The following RBFOX3 variants were observed in gnomAD, a reference collection of about 807,000 sequenced individuals.
RBFOX3 encodes the protein RNA binding protein fox-1 homolog 3.
A neutral mutation model predicts 48.7 loss-of-function variants in RBFOX3; 17 were observed. The observed-to-expected ratio is 0.35, with a 90% CI of 0.24 to 0.52. The LOEUF is 0.52. Among genes scored for constraint, RBFOX3 ranks in the 20% least tolerant of loss-of-function variants. The pLI, the probability that RBFOX3 is intolerant of heterozygous loss-of-function variation, is 0.94. For synonymous variants in RBFOX3, 212 were observed against 209.5 expected (o/e 1.01, Z -0.10); for missense variants, 382 against 497.5 (o/e 0.77, Z 2.21).
intron 3 of RBFOX3, among the ~76,000 whole-genome samples, chr17:79,241,311 G>A (rs1450561700): frequency 6.6e-6 from 1 of 152,046 alleles, no homozygotes. Flanking sequence ...ATGGCATCCG[G>A]CCTGTTTCGC....
At chr17:79,106,861 G>T in intron 5 of RBFOX3, 73 bp from the exon 6 acceptor site, 1 of 1,440,096 alleles carries the variant, frequency 6.9e-7, no homozygotes, top group South Asian at 1.4e-5. Flanking sequence ...CTAAAGGGTC[G>T]GCAGAGTCTA....
At chr17:79,526,874 G>A (rs978916032) in intron 1 of RBFOX3, among the ~76,000 whole-genome samples, 50 of 152,336 alleles carry the variant, frequency 3.3e-4, no homozygotes, top group Admixed American at 2.6e-3. Flanking sequence ...AAAAACCATC[G>A]TGTGACACCA....
chr17:79,439,469 G>A (rs1391724575), intron 2 of RBFOX3, among the ~76,000 whole-genome samples: 1 of 152,242 alleles, frequency 6.6e-6, no homozygotes, highest in African/African-American at 2.4e-5. Context: ...CAGTGACCAT[G>A]ACTGGTGTCT....
intron 2 of RBFOX3, among the ~76,000 whole-genome samples, chr17:79,458,946 G>A (rs1257564305): frequency 2.0e-5 from 3 of 152,302 alleles, no homozygotes; most frequent in African/African-American, 7.2e-5. Flanking sequence ...GCAAGCACAG[G>A]AAGCTGGGGC....
At chr17:79,474,650 T>A (rs2149405981) in intron 2 of RBFOX3, among the ~76,000 whole-genome samples, 1 of 152,242 alleles carries the variant, frequency 6.6e-6, no homozygotes, top group South Asian at 2.1e-4. Flanking sequence ...TATTTTCTGC[T>A]TCCATTCCCC....
Position 79,285,514 on chromosome 17 carries a change from T to C in RBFOX3, c.-74+22210A>G, listed in dbSNP as rs565348093. On this transcript the variant is annotated intron_variant, in intron 3 of 14. Transcript: ENST00000693108. ...CATACAATGCCCTGAAACCTTTCCATCAAGTAGGTAAAGATCTGTAAACCA... is the reference window on the plus strand; with the variant it reads ...CATACAATGCCCTGAAACCTTTCCACCAAGTAGGTAAAGATCTGTAAACCA... Among the ~76,000 whole-genome samples the C allele has an allele frequency of 1.7e-3, 262 of 152,256 alleles. 1 individual carries two copies. Among genetic ancestry groups the C allele is most frequent in the Non-Finnish European group, 2.4e-3 (162 of 68,014 alleles).
At chr17:79,620,438 T>C in the RBFOX3 span, among the ~76,000 whole-genome samples, 277 of 121,444 alleles carry the variant, frequency 2.3e-3, no homozygotes, top group Middle Eastern at 7.8e-3. Flanking sequence ...CGTGCACACA[T>C]GCACATGCAC....
intron 2 of RBFOX3, among the ~76,000 whole-genome samples, chr17:79,411,168 G>A (rs570847708): frequency 1.2e-3 from 184 of 152,234 alleles, no homozygotes; most frequent in East Asian, 9.7e-4. Flanking sequence ...TCACGTAACC[G>A]GATCAAATGT....
chr17:79,642,436 G>GTA, the RBFOX3 span, among the ~76,000 whole-genome samples: 126 of 151,896 alleles, frequency 8.3e-4, no homozygotes, highest in Non-Finnish European at 9.0e-4. Context: ...ATTTCACAAT[G>GTA]TATATATATA....
At position 79,534,767 on chromosome 17, in the gene RBFOX3, C is replaced by T. The variant is rs149540751; in HGVS notation, c.-319-52169G>A. On this transcript the variant is annotated intron_variant, in intron 1 of 14. Transcript: ENST00000693108. ...TCACCATGGCCAAGCATCTGTGTCT[C>T]CCCAGTTTATTCAGGTTTCTTTTCT... 2.2e-4 allele frequency among the ~76,000 whole-genome samples: 33 copies of T among 152,304 alleles called. No homozygotes were observed. The East Asian group carries it at 2.9e-3, about 13-fold the overall frequency.
At chr17:79,139,482 T>C (rs2041454786) in intron 4 of RBFOX3, among the ~76,000 whole-genome samples, 1 of 152,266 alleles carries the variant, frequency 6.6e-6, no homozygotes, top group Admixed American at 6.5e-5. Context: ...TCTCATTGGC[T>C]CGTGAAGAGC....
At position 79,559,647 on chromosome 17, in the gene RBFOX3, ATGGGTGGATGGATGGGTGGG is replaced by A. The variant is rs1322389437; in HGVS notation, c.-320+51159_-320+51178del. On this transcript the variant is annotated intron_variant, in intron 1 of 14. Transcript: ENST00000693108. ...TGGATGGGTGGATGGTGAATAGTGG[ATGGGTGGATGGATGGGTGGG>A]TGGGTGGATGGATGAGTGGGTCGGT... is the stretch of plus-strand genomic sequence containing the variant. 4.3e-4 allele frequency among the ~76,000 whole-genome samples: 49 copies of A among 113,174 alleles called. 1 individual carries two copies. Among genetic ancestry groups the A allele is most frequent in the South Asian group, 6.9e-4 (2 of 2,894 alleles). The allele number at this position is 113,174 out of a possible 152,430, so 74.2% of individuals were successfully genotyped here.
At chr17:79,397,206 GGC>G (rs2062100318) in intron 2 of RBFOX3, among the ~76,000 whole-genome samples, 1 of 152,160 alleles carries the variant, frequency 6.6e-6, no homozygotes. Context: ...GCGTGGGCTG[GGC>G]GCAGTGGCTC....
intron 4 of RBFOX3, among the ~76,000 whole-genome samples, chr17:79,131,586 G>A (rs2038927073): frequency 6.6e-6 from 1 of 152,230 alleles, no homozygotes; most frequent in African/African-American, 2.4e-5. Context: ...TCACACGTTA[G>A]GAAGCCACGG....
At chr17:79,145,060 C>A (rs914516123) in intron 4 of RBFOX3, among the ~76,000 whole-genome samples, 1 of 152,152 alleles carries the variant, frequency 6.6e-6, no homozygotes, top group South Asian at 2.1e-4. Context: ...AAGGTGGGGG[C>A]GGGACAGGGT....
chr17:79,181,555 T>A (rs577540463), intron 4 of RBFOX3, among the ~76,000 whole-genome samples: 2 of 151,982 alleles, frequency 1.3e-5, no homozygotes, highest in South Asian at 4.2e-4. Flanking sequence ...TGTCCAGGAG[T>A]CCCCAGATGT....
the RBFOX3 span, among the ~76,000 whole-genome samples, chr17:79,649,469 G>T: frequency 6.6e-6 from 1 of 152,230 alleles, no homozygotes; most frequent in East Asian, 1.9e-4. Context: ...ACTTTGGGAG[G>T]CCGAGGCGAG....
the RBFOX3 span, among the ~76,000 whole-genome samples, chr17:79,635,732 C>T: frequency 1.4e-4 from 22 of 152,130 alleles, no homozygotes; most frequent in East Asian, 2.9e-3. Context: ...CAAAAAGTTA[C>T]GGCAAATTAA....
chr17:79,500,996 GC>G (rs2082304759), intron 1 of RBFOX3, among the ~76,000 whole-genome samples: 1 of 152,216 alleles, frequency 6.6e-6, no homozygotes, highest in African/African-American at 2.4e-5. Context: ...GGAAATCACT[GC>G]CGAGGGGAGA....
Sources: gnomAD v4.1 joint callset for allele counts (sites outside exome capture counted in the v4.1 genomes callset) on GRCh38, gnomAD v4.1.1 for gene constraint, MANE v1.5 for transcripts, NCBI Gene and HGNC (gene_info 2026-07-23, HGNC 2026-07-21) for gene names.